Variants in PDS5A observed in about 807,000 individuals in gnomAD.
PDS5A encodes the protein PDS5 cohesin associated factor A, also known as sister chromatid cohesion protein PDS5 homolog A.
A neutral mutation model predicts 167.1 loss-of-function variants in PDS5A; 42 were observed. The observed-to-expected ratio is 0.25, with a 90% CI of 0.20 to 0.33. The LOEUF (loss-of-function observed/expected upper bound fraction) is 0.33, where lower values mean the gene tolerates loss of function less well. Among genes scored for constraint, PDS5A ranks in the 10% least tolerant of loss-of-function variants. PDS5A has a pLI of 1.00. For missense variants in PDS5A, 1,033 were observed against 1,605.9 expected (o/e 0.64, Z 6.10); for synonymous variants, 553 against 554.6 (o/e 1.00, Z 0.04).
intron 2 of PDS5A, among the ~76,000 whole-genome samples, chr4:39,953,819 C>G (rs1400735159): frequency 2.0e-5 from 3 of 152,270 alleles, no homozygotes; most frequent in South Asian, 4.1e-4. Context: ...AGCAAATGAC[C>G]TATAAATGTT....
chr4:39,866,191 T>C (rs1349344873), intron 23 of PDS5A, among the ~76,000 whole-genome samples: 1 of 152,206 alleles, frequency 6.6e-6, no homozygotes, highest in Admixed American at 6.5e-5. Context: ...CTCAGCTCAC[T>C]GCAACCTCTG....
chr4:39,949,789 C>T lies in PDS5A; in HGVS notation c.139-21625G>A, dbSNP rs145459514. Among the ~76,000 whole-genome samples, 278 of 107,066 alleles carry T rather than the reference C, an allele frequency of 2.6e-3. 3 individuals carry two copies. The highest frequency in any genetic ancestry group is 8.3e-4 in the Admixed American group (6 of 7,190). The allele number at this position is 107,066 out of a possible 152,430, so 70.2% of individuals were successfully genotyped here. Reference sequence around the variant, plus strand: ...TGCAGTGCATTGCACCACTGCACTCCAGCCAGGGCGACAGAATAAGACTCT... The same window carrying T: ...TGCAGTGCATTGCACCACTGCACTCTAGCCAGGGCGACAGAATAAGACTCT... On this transcript the variant is annotated intron_variant, in intron 2 of 32. Transcript: ENST00000303538.
chr4:39,944,049 G>A (rs1470120822), intron 2 of PDS5A, among the ~76,000 whole-genome samples: 2 of 151,238 alleles, frequency 1.3e-5, no homozygotes, highest in Non-Finnish European at 2.9e-5. Context: ...GTGGTGGCGG[G>A]CACCTGTAGT....
At chr4:39,892,003 C>T (rs1722014042) in intron 16 of PDS5A, among the ~76,000 whole-genome samples, 1 of 152,044 alleles carries the variant, frequency 6.6e-6, no homozygotes, top group South Asian at 2.1e-4. Context: ...CCCAGCTACT[C>T]AGGAGGCTGA....
intron 18 of PDS5A, among the ~76,000 whole-genome samples, chr4:39,878,260 T>C (rs1299035369): frequency 6.6e-6 from 1 of 152,146 alleles, no homozygotes; most frequent in Non-Finnish European, 1.5e-5. Context: ...GTTTTAATTA[T>C]TTACAGAAAA....
intron 21 of PDS5A, among the ~76,000 whole-genome samples, chr4:39,870,668 T>A (rs1021957800): frequency 3.9e-5 from 6 of 152,048 alleles, no homozygotes; most frequent in Non-Finnish European, 8.8e-5. Flanking sequence ...AAAGAAGATA[T>A]ACAGGTAGTC....
At chr4:39,962,273 G>A (rs531295869) in intron 2 of PDS5A, among the ~76,000 whole-genome samples, 2 of 151,724 alleles carry the variant, frequency 1.3e-5, no homozygotes, top group Admixed American at 6.6e-5. Context: ...AGCCAGGATG[G>A]TCTTGATCTC....
chr4:39,934,620 T>C (rs1377728522), intron 2 of PDS5A, among the ~76,000 whole-genome samples: 2 of 87,136 alleles, frequency 2.3e-5, no homozygotes, highest in African/African-American at 6.4e-5. Flanking sequence ...TTTTTCTTTT[T>C]TTTTTTTTTT....
intron 20 of PDS5A, among the ~76,000 whole-genome samples, chr4:39,873,532 T>C (rs1368692151): frequency 6.6e-6 from 1 of 152,142 alleles, no homozygotes; most frequent in Non-Finnish European, 1.5e-5. Context: ...GTTCACTGGG[T>C]TTTGGTCACA....
At chr4:39,845,083 C>A (rs1289121603) in intron 29 of PDS5A, among the ~76,000 whole-genome samples, 1 of 152,002 alleles carries the variant, frequency 6.6e-6, no homozygotes, top group African/African-American at 2.4e-5. Context: ...TGGTATAAGC[C>A]GGTAGTCCCA....
rs555191379 is a variant in PDS5A at position 39,888,280 on chromosome 4, CA to C, written c.1886+1968del. Among the ~76,000 whole-genome samples, 3 of 133,826 alleles carry C rather than the reference CA, an allele frequency of 2.2e-5. No homozygotes were observed. The South Asian group carries it at 7.3e-4, about 32-fold the overall frequency. 87.8% of individuals were successfully genotyped at this position (133,826 alleles called of 152,430 possible). Reference sequence around the variant, plus strand: ...AAAAAAAAAAAGGGCTTTTTATCAACAAGACAGGGAATAACGGATGCCGGCG... The same window carrying C: ...AAAAAAAAAAAGGGCTTTTTATCAACAGACAGGGAATAACGGATGCCGGCG... On this transcript the variant is annotated intron_variant, in intron 17 of 32. Transcript: ENST00000303538.
intron 7 of PDS5A, among the ~76,000 whole-genome samples, chr4:39,918,198 A>C (rs1724576189): frequency 6.6e-6 from 1 of 151,502 alleles, no homozygotes; most frequent in East Asian, 1.9e-4. Flanking sequence ...AAAAAAAAAA[A>C]AAACAGAATA....
chr4:39,886,990 A>G (rs1181052514), intron 17 of PDS5A, among the ~76,000 whole-genome samples: 1 of 151,588 alleles, frequency 6.6e-6, no homozygotes, highest in African/African-American at 2.4e-5. Context: ...AACTATACTG[A>G]ATTCATTTAT....
intron 8 of PDS5A, among the ~76,000 whole-genome samples, chr4:39,914,519 T>G (rs977146878): frequency 6.6e-6 from 1 of 152,108 alleles, no homozygotes; most frequent in African/African-American, 2.4e-5. Flanking sequence ...CTACAGAATT[T>G]CATGATTCAT....
rs1210256217 is a variant in PDS5A at position 39,945,458 on chromosome 4, C to CAAAAAA, written c.139-17300_139-17295dup. On this transcript the variant is annotated intron_variant, in intron 2 of 32. Transcript: ENST00000303538. ...CCTGGGCGACAGAGCGAGACTGCCT[C>CAAAAAA]AAAAAAAAAAAAAAAAAAAAAAATT... 2.9e-3 allele frequency among the ~76,000 whole-genome samples: 196 copies of CAAAAAA among 66,708 alleles called. 1 individual carries two copies. Among genetic ancestry groups the CAAAAAA allele is most frequent in the Middle Eastern group, 8.2e-3 (1 of 122 alleles). The allele number at this position is 66,708 out of a possible 152,430, so 43.8% of individuals were successfully genotyped here.
intron 26 of PDS5A, 63 bp downstream of exon 26, chr4:39,862,156 A>C: frequency 1.7e-6 from 1 of 588,122 alleles, no homozygotes; most frequent in Non-Finnish European, 2.9e-6. Flanking sequence ...ATAAACAAAA[A>C]ATTTACCATT....
chr4:39,902,149 C>T (rs1722935561), intron 13 of PDS5A, among the ~76,000 whole-genome samples, 198 bp downstream of exon 13: 1 of 152,140 alleles, frequency 6.6e-6, no homozygotes, highest in Non-Finnish European at 1.5e-5. Context: ...CTACTACTGA[C>T]CTGGCTGCCA....
intron 2 of PDS5A, among the ~76,000 whole-genome samples, chr4:39,952,211 G>T (rs201540286): frequency 6.6e-6 from 1 of 152,068 alleles, no homozygotes; most frequent in African/African-American, 2.4e-5. Flanking sequence ...TGTGCCTGTA[G>T]TCCCAGCTAC....
At chr4:39,910,080 AT>A in intron 10 of PDS5A, 163 bp downstream of exon 10, 1 of 472,994 alleles carries the variant, frequency 2.1e-6, no homozygotes, top group South Asian at 4.8e-5. Context: ...TTTAAATGTA[AT>A]TTTATTACAT....
Sources: allele counts gnomAD v4.1 joint callset (sites outside exome capture counted in the v4.1 genomes callset), GRCh38; gene constraint gnomAD v4.1.1; transcripts MANE v1.5; gene names NCBI Gene and HGNC (gene_info 2026-07-23, HGNC 2026-07-21).